The following SSBP3 variants were observed in gnomAD, a reference collection of about 807,000 sequenced individuals.
SSBP3 encodes the protein single-stranded DNA-binding protein 3.
A neutral mutation model predicts 69.6 loss-of-function variants in SSBP3; 5 were observed. That is an observed-to-expected ratio of 0.07 (90% CI 0.04 to 0.15). SSBP3 has a LOEUF of 0.15. Among genes scored for constraint, SSBP3 ranks in the 10% least tolerant of loss-of-function variants. The pLI is 1.00. For missense variants in SSBP3, 312 were observed against 534.0 expected, an observed-to-expected ratio of 0.58 and a Z score of 4.10; for synonymous variants, 196 against 193.4, an observed-to-expected ratio of 1.01 and a Z score of -0.11.
intron 4 of SSBP3, among the ~76,000 whole-genome samples, chr1:54,370,877 T>G (rs1647121230): frequency 6.6e-6 from 1 of 151,858 alleles, no homozygotes. Context: ...TTGGGAACGG[T>G]TCCCCCGTCA....
intron 4 of SSBP3, among the ~76,000 whole-genome samples, chr1:54,350,909 T>A (rs559601129): frequency 2.6e-5 from 4 of 152,068 alleles, no homozygotes; most frequent in African/African-American, 9.6e-5. Flanking sequence ...AATCATAGCC[T>A]CAACCTCCTG....
At chr1:54,230,717 C>T (rs1269073524) in intron 14 of SSBP3, among the ~76,000 whole-genome samples, 1 of 152,170 alleles carries the variant, frequency 6.6e-6, no homozygotes, top group African/African-American at 2.4e-5. Context: ...CACTAATCTA[C>T]TTTCTGTCCA....
intron 4 of SSBP3, among the ~76,000 whole-genome samples, chr1:54,348,963 A>T (rs1312853189): frequency 2.0e-5 from 3 of 152,212 alleles, no homozygotes; most frequent in Non-Finnish European, 4.4e-5. Flanking sequence ...GAACCAGGCT[A>T]AAAACCCAGC....
At chr1:54,261,356 T>G (rs1557472078) in intron 5 of SSBP3, among the ~76,000 whole-genome samples, 1 of 152,240 alleles carries the variant, frequency 6.6e-6, no homozygotes, top group African/African-American at 2.4e-5. Flanking sequence ...CACAGGTAGG[T>G]TTGAAGAAGA....
intron 4 of SSBP3, among the ~76,000 whole-genome samples, chr1:54,352,971 T>G (rs1646804847): frequency 6.6e-6 from 1 of 152,162 alleles, no homozygotes. Flanking sequence ...GGATTCTGAA[T>G]GGCAAACCCG....
chr1:54,361,640 A>G (rs1477440559), intron 4 of SSBP3, among the ~76,000 whole-genome samples: 1 of 152,116 alleles, frequency 6.6e-6, no homozygotes, highest in East Asian at 1.9e-4. Flanking sequence ...AACGTGGGAT[A>G]TCCCCTTGCG....
intron 4 of SSBP3, among the ~76,000 whole-genome samples, chr1:54,381,307 C>A (rs992995155): frequency 7.3e-6 from 1 of 136,536 alleles, no homozygotes; most frequent in African/African-American, 2.7e-5. Context: ...CACTTAAACT[C>A]GGGAGGCAGA....
chr1:54,254,383 C>T (rs1380391677), intron 7 of SSBP3, among the ~76,000 whole-genome samples: 1 of 152,194 alleles, frequency 6.6e-6, no homozygotes, highest in Non-Finnish European at 1.5e-5. Context: ...CCCTGGATTC[C>T]AGCCACTCTC....
chr1:54,235,184 AG>A (rs1644465468), intron 14 of SSBP3, among the ~76,000 whole-genome samples: 1 of 151,698 alleles, frequency 6.6e-6, no homozygotes, highest in Non-Finnish European at 1.5e-5. Flanking sequence ...ATTTTTGTCC[AG>A]GGGCTGGCTT....
At chr1:54,344,996 C>T (rs1411388181) in intron 4 of SSBP3, among the ~76,000 whole-genome samples, 1 of 152,180 alleles carries the variant, frequency 6.6e-6, no homozygotes, top group Non-Finnish European at 1.5e-5. Context: ...ACGTATAATT[C>T]AGACTTCCTA....
At chr1:54,369,597 G>A (rs575304909) in intron 4 of SSBP3, among the ~76,000 whole-genome samples, 7 of 152,302 alleles carry the variant, frequency 4.6e-5, no homozygotes, top group African/African-American at 7.2e-5. Flanking sequence ...TCCTGCAGTC[G>A]TCTGTTCTTG....
At chr1:54,271,529 C>A (rs1416657873) in intron 5 of SSBP3, among the ~76,000 whole-genome samples, 1 of 152,216 alleles carries the variant, frequency 6.6e-6, no homozygotes, top group Non-Finnish European at 1.5e-5. Context: ...GAGGCTGGGT[C>A]ACTGCCAGGA....
intron 4 of SSBP3, among the ~76,000 whole-genome samples, chr1:54,374,551 A>G (rs1647185802): frequency 1.3e-5 from 2 of 152,174 alleles, no homozygotes; most frequent in African/African-American, 2.4e-5. Flanking sequence ...ACCACCCTCA[A>G]CTATCCTATA....
At chr1:54,261,178 T>C (rs1447836866) in intron 5 of SSBP3, among the ~76,000 whole-genome samples, 1 of 152,216 alleles carries the variant, frequency 6.6e-6, no homozygotes, top group Non-Finnish European at 1.5e-5. Context: ...AGCCTAGCAG[T>C]CTCACGGGCA....
intron 4 of SSBP3, among the ~76,000 whole-genome samples, chr1:54,382,784 G>A (rs917058667): frequency 6.6e-6 from 1 of 151,746 alleles, no homozygotes; most frequent in African/African-American, 2.4e-5. Flanking sequence ...TCGGGAGTTC[G>A]AGACCAGCCT....
intron 4 of SSBP3, among the ~76,000 whole-genome samples, chr1:54,398,719 C>T (rs1649071560): frequency 6.6e-6 from 1 of 151,928 alleles, no homozygotes; most frequent in African/African-American, 2.4e-5. Context: ...CCGTGACCCT[C>T]CTCCCGTGAC....
intron 4 of SSBP3, among the ~76,000 whole-genome samples, chr1:54,310,510 G>A (rs1009596415): frequency 2.0e-5 from 3 of 152,154 alleles, no homozygotes; most frequent in African/African-American, 7.2e-5. Flanking sequence ...GAGCTACAAA[G>A]AGAAGAAAGT....
At chr1:54,239,412 G>C (rs138868760) in intron 13 of SSBP3, among the ~76,000 whole-genome samples, 1 of 152,126 alleles carries the variant, frequency 6.6e-6, no homozygotes, top group South Asian at 2.1e-4. Flanking sequence ...CCAGCAGTGT[G>C]GACACGGCAC....
chr1:54,251,004 C>T (rs1227894778), intron 9 of SSBP3, among the ~76,000 whole-genome samples: 2 of 152,204 alleles, frequency 1.3e-5, no homozygotes, highest in Non-Finnish European at 2.9e-5. Context: ...TTTGTGGCAG[C>T]GGAGCCCTCT....
Sources: gnomAD v4.1 joint callset for allele counts (sites outside exome capture counted in the v4.1 genomes callset) on GRCh38, gnomAD v4.1.1 for gene constraint, MANE v1.5 for transcripts, NCBI Gene and HGNC (gene_info 2026-07-23, HGNC 2026-07-21) for gene names.